DNAH7: variants seen among roughly 807,000 people sequenced by gnomAD.
DNAH7 encodes axonemal beta dynein heavy chain 7.
DNAH7 carries 397 observed loss-of-function variants against 444.6 expected under a neutral mutation model. That is an observed-to-expected ratio of 0.89 (90% CI 0.82 to 0.97). The LOEUF (loss-of-function observed/expected upper bound fraction) is 0.97. Ranked by LOEUF, DNAH7 falls within the 50% of genes least tolerant of loss-of-function variation. The probability of loss-of-function intolerance (pLI) is 0.00; values close to 1 mark genes in which losing one functional copy is unlikely to be tolerated. For synonymous variants in DNAH7, 1,636 were observed against 1,624.4 expected (o/e 1.01, Z -0.17); for missense variants, 4,902 against 4,800.8 (o/e 1.02, Z -0.62).
rs1700705913 is a variant in DNAH7 at position 195,871,708 on chromosome 2, G to GGAGATAAAGCATTTTAAAC, written c.6633+541_6633+542insGTTTAAAATGCTTTATCTC. Among the ~76,000 whole-genome samples, 280 of 130,384 alleles carry GGAGATAAAGCATTTTAAAC rather than the reference G, an allele frequency of 2.1e-3. 1 individual carries two copies. The highest frequency in any genetic ancestry group is 5.2e-3 in the African/African-American group (128 of 24,834). 85.5% of individuals were successfully genotyped at this position (130,384 alleles called of 152,430 possible). On this transcript the variant is annotated intron_variant, in intron 40 of 64. Transcript: ENST00000312428. ...GGATTAAACTACTTAAGGGAAGGCG[G>GGAGATAAAGCATTTTAAAC]ATCACGAGGTCAGGAGATCGAGACC...
intron 24 of DNAH7, among the ~76,000 whole-genome samples, chr2:195,911,532 T>C (rs1004827711): frequency 6.6e-6 from 1 of 151,916 alleles, no homozygotes; most frequent in Admixed American, 6.6e-5. Flanking sequence ...CCAAATAGGA[T>C]AAATAAAAAC....
chr2:195,937,170 C>T (rs1271683662), intron 19 of DNAH7, among the ~76,000 whole-genome samples: 2 of 152,024 alleles, frequency 1.3e-5, no homozygotes, highest in African/African-American at 4.8e-5. Flanking sequence ...AATAAGTCAT[C>T]ATTATAATTA....
At chr2:195,847,266 A>T (rs1416687174) in intron 46 of DNAH7, among the ~76,000 whole-genome samples, 1 of 151,756 alleles carries the variant, frequency 6.6e-6, no homozygotes, top group Non-Finnish European at 1.5e-5. Context: ...AAAGACATAG[A>T]ATCAACTCAA....
At chr2:195,869,075 G>C (rs1351557816) in intron 40 of DNAH7, among the ~76,000 whole-genome samples, 2 of 151,880 alleles carry the variant, frequency 1.3e-5, no homozygotes, top group African/African-American at 4.8e-5. Context: ...TTGCCTCACA[G>C]ACTATTTGAA....
intron 45 of DNAH7, among the ~76,000 whole-genome samples, chr2:195,854,721 A>C (rs781691740): frequency 8.5e-5 from 13 of 152,176 alleles, no homozygotes; most frequent in African/African-American, 2.4e-4. Flanking sequence ...TAATACACAT[A>C]TATGCATATG....
chr2:195,763,297 A>G (rs1694432206), intron 61 of DNAH7, among the ~76,000 whole-genome samples: 1 of 152,094 alleles, frequency 6.6e-6, no homozygotes, highest in Admixed American at 6.5e-5. Flanking sequence ...GAAAAACTTC[A>G]AATAAACTAC....
At chr2:196,045,456 T>G (rs1697061639) in intron 5 of DNAH7, among the ~76,000 whole-genome samples, 1 of 151,026 alleles carries the variant, frequency 6.6e-6, no homozygotes, top group Non-Finnish European at 1.5e-5. Flanking sequence ...AACCCAGAAA[T>G]GAGGAGTGGA....
In DNAH7 at chr2:195,788,898, T is replaced by C. The variant is rs557528154; in HGVS notation, c.10717-1727A>G. 2.6e-5 allele frequency among the ~76,000 whole-genome samples: 4 copies of C among 152,364 alleles called. No individual in the cohort carries two copies. The East Asian group carries it at 7.7e-4, about 29-fold the overall frequency. ...ATTTGCATGTATGTGTGCATGTATA[T>C]TTGTATATTTGTGTATGTGTGTACA... On this transcript the variant is annotated intron_variant, in intron 57 of 64. Coordinates refer to ENST00000312428, the MANE Select transcript of DNAH7 (RefSeq NM_018897.3).
At position 195,748,608 on chromosome 2, in the gene DNAH7, A is replaced by T. The variant is rs1693581241; in HGVS notation, c.11764+5729T>A. On this transcript the variant is annotated intron_variant, in intron 63 of 64. Transcript: ENST00000312428. Reference sequence around the variant, plus strand: ...CTATACTACAAGGCTACAGTAACCGAAACAGCATGGTACTGGTACCAAAAC... The same window carrying T: ...CTATACTACAAGGCTACAGTAACCGTAACAGCATGGTACTGGTACCAAAAC... 2.6e-5 allele frequency among the ~76,000 whole-genome samples: 4 copies of T among 152,244 alleles called. No individual in the cohort carries two copies. The South Asian group carries it at 8.3e-4, about 31-fold the overall frequency.
At chr2:195,756,434 A>G (rs1467342251) in intron 61 of DNAH7, 149 bp from the exon 62 acceptor site, 4 of 668,606 alleles carry the variant, frequency 6.0e-6, no homozygotes, top group Non-Finnish European at 6.7e-6. Context: ...AAAAGTGAAG[A>G]TATTTGTTTT....
chr2:196,028,996 G>T (rs1695865362), intron 5 of DNAH7, among the ~76,000 whole-genome samples: 1 of 152,126 alleles, frequency 6.6e-6, no homozygotes, highest in Non-Finnish European at 1.5e-5. Flanking sequence ...AAGGCTTTGG[G>T]TAATGTCTCA....
At chr2:195,846,343 A>G (rs763488521) in intron 46 of DNAH7, among the ~76,000 whole-genome samples, 5 of 152,204 alleles carry the variant, frequency 3.3e-5, no homozygotes, top group Non-Finnish European at 7.3e-5. Flanking sequence ...GGCTTTTGTT[A>G]AAAGTGAAAA....
chr2:195,808,719 C>G lies in DNAH7; in HGVS notation c.10046G>C (p.Arg3349Pro). The change falls in exon 53 of 65, where the codon CGC (arginine) becomes CCC (proline). Residue 3349 changes from arginine (R) to proline (P), a missense_variant. Physicochemically the swap from Arg to Pro is moderately radical, Grantham distance 103. Transcript: ENST00000312428. The stretch of plus-strand genomic sequence containing the variant: ...TACTTTCTTCCATCCATCCTTTAAG[C>G]GCATAAACTCTCTACGAATGGTTTT... ...AFKTIRREFMRLKDGWKKVYD... is the reference protein window; with the variant it reads ...AFKTIRREFMPLKDGWKKVYD... 6.2e-7 allele frequency: 1 copy of G among 1,613,938 alleles called. No individual in the cohort carries two copies. Among genetic ancestry groups the G allele is most frequent in the Non-Finnish European group, 8.5e-7 (1 of 1,179,924 alleles).
At chr2:195,812,235 C>A (rs140850129) in intron 51 of DNAH7, among the ~76,000 whole-genome samples, 9 of 152,192 alleles carry the variant, frequency 5.9e-5, no homozygotes, top group Middle Eastern at 6.8e-3. Context: ...GCCCTAGCCT[C>A]CGAATTTTCA....
intron 29 of DNAH7, among the ~76,000 whole-genome samples, chr2:195,895,999 C>G (rs140107734): frequency 6.6e-6 from 1 of 152,134 alleles, no homozygotes; most frequent in Non-Finnish European, 1.5e-5. Flanking sequence ...TAGGCTACTA[C>G]AAATAAAGTG....
chr2:196,054,938 C>T (rs1697712680), intron 2 of DNAH7, among the ~76,000 whole-genome samples: 1 of 152,212 alleles, frequency 6.6e-6, no homozygotes, highest in Non-Finnish European at 1.5e-5. Context: ...AACTGTGAGT[C>T]AACTAAAGCT....
At chr2:195,894,898 C>T in intron 30 of DNAH7, 78 bp downstream of exon 30, 3 of 1,272,986 alleles carry the variant, frequency 2.4e-6, no homozygotes, top group Non-Finnish European at 3.1e-6. Context: ...ACATTGAATG[C>T]ATCTTTTAAA....
chr2:195,778,879 T>A (rs1236966986), intron 58 of DNAH7, among the ~76,000 whole-genome samples: 1 of 150,354 alleles, frequency 6.7e-6, no homozygotes, highest in Non-Finnish European at 1.5e-5. Flanking sequence ...GTTTCACTCT[T>A]GTTGCCCAGG....
intron 58 of DNAH7, among the ~76,000 whole-genome samples, chr2:195,783,893 C>A (rs1695498068): frequency 6.6e-6 from 1 of 152,000 alleles, no homozygotes; most frequent in African/African-American, 2.4e-5. Flanking sequence ...CACAGTTAAC[C>A]AAATTTTTTC....
Sources: allele counts gnomAD v4.1 joint callset (sites outside exome capture counted in the v4.1 genomes callset), GRCh38; gene constraint gnomAD v4.1.1; transcripts MANE v1.5; gene names NCBI Gene and HGNC (gene_info 2026-07-23, HGNC 2026-07-21).